The following RLN2 variants were observed in gnomAD, a reference collection of about 807,000 sequenced individuals.
RLN2 encodes the protein relaxin 2, also known as prorelaxin H2.
Under a neutral mutation model 7.3 loss-of-function variants are expected in RLN2, and 10 were observed. The ratio of observed to expected loss-of-function variants is 1.36; its 90% CI spans 0.84 to 2.31. The LOEUF is 2.31. Ranked by LOEUF, RLN2 falls within the 30% of genes most tolerant of loss-of-function variation. The pLI is 0.00. For missense variants in RLN2, 298 were observed against 217.6 expected, an observed-to-expected ratio of 1.37 and a Z score of -2.32; for synonymous variants, 103 against 82.3, an observed-to-expected ratio of 1.25 and a Z score of -1.36.
the RLN2 span, among the ~76,000 whole-genome samples, chr9:5,328,498 T>C: frequency 6.6e-6 from 1 of 151,986 alleles, no homozygotes; most frequent in Non-Finnish European, 1.5e-5. Flanking sequence ...CAGGATATTA[T>C]CCACGAGAAC....
the RLN2 span, among the ~76,000 whole-genome samples, chr9:5,324,158 T>G: frequency 6.6e-6 from 1 of 152,070 alleles, no homozygotes; most frequent in Non-Finnish European, 1.5e-5. Context: ...TGTGGGTAGA[T>G]TAGCAGTTAC....
chr9:5,305,829 G>A (rs530494932), upstream of RLN2, among the ~76,000 whole-genome samples: 1 of 152,128 alleles, frequency 6.6e-6, no homozygotes, highest in South Asian at 2.1e-4. Flanking sequence ...GATTGCTGGT[G>A]ATGTCAGTAG....
the RLN2 span, among the ~76,000 whole-genome samples, chr9:5,322,809 C>T: frequency 6.6e-5 from 10 of 151,960 alleles, 1 homozygote; most frequent in African/African-American, 2.2e-4. Context: ...TAAAAGAAGG[C>T]GCCACATGAT....
chr9:5,310,650 G>A, the RLN2 span, among the ~76,000 whole-genome samples: 1,010 of 151,930 alleles, frequency 6.6e-3, 23 homozygotes, highest in African/African-American at 0.023. Context: ...ATTTTTAGAG[G>A]TTGCCCAAGA....
chr9:5,324,971 A>G, the RLN2 span, among the ~76,000 whole-genome samples: 1 of 152,030 alleles, frequency 6.6e-6, no homozygotes, highest in African/African-American at 2.4e-5. Context: ...ATTCATGCCT[A>G]AGTATAAGGA....
At chr9:5,336,131 C>T in the RLN2 span, among the ~76,000 whole-genome samples, 2 of 151,836 alleles carry the variant, frequency 1.3e-5, no homozygotes, top group African/African-American at 4.9e-5. Flanking sequence ...CACCTGTAAT[C>T]TAATCAGCAG....
At chr9:5,331,564 A>T in the RLN2 span, among the ~76,000 whole-genome samples, 3 of 151,738 alleles carry the variant, frequency 2.0e-5, no homozygotes, top group Non-Finnish European at 4.4e-5. Flanking sequence ...AACTCTCACA[A>T]GAACAGAAAA....
the RLN2 span, among the ~76,000 whole-genome samples, chr9:5,312,042 G>T: frequency 6.6e-6 from 1 of 151,878 alleles, no homozygotes; most frequent in Non-Finnish European, 1.5e-5. Flanking sequence ...TTAGCACACA[G>T]AACACTTCAT....
At chr9:5,310,042 G>C in the RLN2 span, among the ~76,000 whole-genome samples, 5 of 151,928 alleles carry the variant, frequency 3.3e-5, no homozygotes, top group Non-Finnish European at 5.9e-5. Flanking sequence ...AGGGGGAGTG[G>C]AGTAGTTGTG....
At chr9:5,306,178 G>A (rs1816249364), upstream of RLN2, among the ~76,000 whole-genome samples, 1 of 146,562 alleles carries the variant, frequency 6.8e-6, no homozygotes, top group African/African-American at 2.6e-5. Flanking sequence ...TGTGATCTCA[G>A]CTCACTGCAA....
chr9:5,306,102 G>GTTTTTT (rs57304439), upstream of RLN2, among the ~76,000 whole-genome samples: 19 of 123,446 alleles, frequency 1.5e-4, no homozygotes, highest in African/African-American at 5.0e-4. Flanking sequence ...CTTTGTTTTT[G>GTTTTTT]TTTTTTGTTT....
At chr9:5,311,470 A>T in the RLN2 span, 5 of 642,138 alleles carry the variant, frequency 7.8e-6, no homozygotes, top group East Asian at 2.7e-5. Context: ...GCTGAAGGGG[A>T]TGTTAAAGGA....
At position 5,304,695 on chromosome 9, in the gene RLN2, A is replaced by C. The variant is rs1421902228; in HGVS notation, c.-115T>G. The C allele has an allele frequency of 9.4e-7, 1 of 1,067,086 alleles. No homozygotes were observed. Among genetic ancestry groups the C allele is most frequent in the African/African-American group, 1.6e-5 (1 of 63,848 alleles). The allele number at this position is 1,067,086 out of a possible 1,614,324, so 66.1% of individuals were successfully genotyped here. On this transcript the variant is annotated 5_prime_UTR_variant, in exon 1 of 2. Coordinates refer to ENST00000381627, the MANE Select transcript of RLN2 (RefSeq NM_134441.3). ...TCCCGGGCTTTAGGCTGCTTTCCCTACCCGGCTCAAGCGGTCTTTTGTATC... is the reference window on the plus strand; with the variant it reads ...TCCCGGGCTTTAGGCTGCTTTCCCTCCCCGGCTCAAGCGGTCTTTTGTATC...
chr9:5,322,097 G>GGAGTA, the RLN2 span, among the ~76,000 whole-genome samples: 1 of 152,032 alleles, frequency 6.6e-6, no homozygotes, highest in Non-Finnish European at 1.5e-5. Context: ...ACCACACTGA[G>GGAGTA]GAGTAGAGCA....
chr9:5,334,349 T>G, the RLN2 span, among the ~76,000 whole-genome samples: 1 of 151,936 alleles, frequency 6.6e-6, no homozygotes, highest in East Asian at 1.9e-4. Flanking sequence ...TTTACAGACA[T>G]TTGATGGAGG....
rs145980373 is a variant in RLN2, at chr9:5,301,986, T to A, written c.212-1542A>T. On this transcript the variant is annotated intron_variant, in intron 1 of 1. Coordinates refer to ENST00000381627, the MANE Select transcript of RLN2 (RefSeq NM_134441.3). ...CTCAGTAAGACATCCTAAGTTTAAT[T>A]CAATTTCATCATAAAAACCTCTCTT... 2.2e-3 allele frequency among the ~76,000 whole-genome samples: 339 copies of A among 152,294 alleles called. 1 individual carries two copies. Among genetic ancestry groups the A allele is most frequent in the African/African-American group, 7.6e-3 (316 of 41,564 alleles).
At chr9:5,322,557 T>C in the RLN2 span, among the ~76,000 whole-genome samples, 22 of 152,022 alleles carry the variant, frequency 1.4e-4, no homozygotes, top group Non-Finnish European at 2.9e-4. Context: ...TTGAATCTCC[T>C]TGGAGAAGGA....
At chr9:5,323,972 C>A in the RLN2 span, among the ~76,000 whole-genome samples, 1 of 151,828 alleles carries the variant, frequency 6.6e-6, no homozygotes, top group Non-Finnish European at 1.5e-5. Flanking sequence ...CACTTGAACC[C>A]AAAGGCAGAG....
rs747647822 is a variant in RLN2, at chr9:5,300,128, A to T, written c.528T>A (p.Cys176Ter). The T allele has an allele frequency of 1.1e-5, 17 of 1,601,810 alleles. No individual in the cohort carries two copies. The highest frequency in any genetic ancestry group is 1.2e-5 in the Non-Finnish European group (14 of 1,176,068). Residue 176 changes from cysteine (C) to a stop codon, truncating the protein, a stop_gained, in exon 2 of 2, where the codon TGT (cysteine) becomes TGA (stop). Transcript: ENST00000381627. LOFTEE classifies it low-confidence loss of function (END_TRUNC). ...AAAATCTAGCAAGAGATCTTTTGGT[A>T]CAACCAACATGGCAACATTTATTAG... ...ALANKCCHVG[C>*]TKRSLARFC
Sources: allele counts gnomAD v4.1 joint callset (sites outside exome capture counted in the v4.1 genomes callset), GRCh38; gene constraint gnomAD v4.1.1; transcripts MANE v1.5; gene names NCBI Gene and HGNC (gene_info 2026-07-23, HGNC 2026-07-21).